ADTRP: variants seen among roughly 807,000 people sequenced by gnomAD.
The protein encoded by ADTRP is androgen-dependent TFPI-regulating protein.
Under a neutral mutation model 27.0 loss-of-function variants are expected in ADTRP, and 20 were observed. That is an observed-to-expected ratio of 0.74 (90% CI 0.52 to 1.08). The LOEUF is 1.08. Ranked by LOEUF, ADTRP falls within the 50% of genes least tolerant of loss-of-function variation. ADTRP has a pLI of 0.00. For synonymous variants in ADTRP, 101 were observed against 105.2 expected, an observed-to-expected ratio of 0.96 and a Z score of 0.25; for missense variants, 251 against 275.0, an observed-to-expected ratio of 0.91 and a Z score of 0.62.
Position 11,762,437 on chromosome 6 carries a change from G to C in ADTRP, c.390+3837C>G, listed in dbSNP as rs187240066. 2.0e-3 allele frequency among the ~76,000 whole-genome samples: 308 copies of C among 152,324 alleles called. 1 individual carries two copies. Among genetic ancestry groups the C allele is most frequent in the Non-Finnish European group, 2.9e-3 (196 of 68,020 alleles). On this transcript the variant is annotated intron_variant, in intron 3 of 5. Coordinates refer to ENST00000414691, the MANE Select transcript of ADTRP (RefSeq NM_032744.4). The stretch of plus-strand genomic sequence containing the variant: ...ATAAATATCAATCATAGTGTCACAC[G>C]CATAGTGGTACTTAACTGCTCTTTT...
intron 1 of ADTRP, among the ~76,000 whole-genome samples, chr6:11,771,946 A>G (rs1763794893): frequency 6.6e-6 from 1 of 152,178 alleles, no homozygotes; most frequent in Non-Finnish European, 1.5e-5. Flanking sequence ...CTATGAGAAA[A>G]TCAATTTCTG....
chr6:11,755,152 G>A (rs1763173707), intron 3 of ADTRP: 2 of 806,162 alleles, frequency 2.5e-6, no homozygotes, highest in African/African-American at 1.9e-5. Context: ...AAGCCCTCAA[G>A]GTCACTGAAT....
chr6:11,752,061 G>A (rs1156309079), intron 3 of ADTRP, among the ~76,000 whole-genome samples: 1 of 152,100 alleles, frequency 6.6e-6, no homozygotes. Flanking sequence ...AATTTATTTT[G>A]CACTTCTTGA....
At chr6:11,742,395 T>C (rs1195457756) in intron 3 of ADTRP, among the ~76,000 whole-genome samples, 2 of 152,184 alleles carry the variant, frequency 1.3e-5, no homozygotes, top group Non-Finnish European at 2.9e-5. Flanking sequence ...GCCCATTTAT[T>C]AACATGAGAA....
intron 1 of ADTRP, among the ~76,000 whole-genome samples, chr6:11,775,924 G>A (rs929223125): frequency 3.9e-5 from 6 of 152,132 alleles, no homozygotes; most frequent in Non-Finnish European, 8.8e-5. Flanking sequence ...CCAAGGTGAG[G>A]TAAAATAAAT....
At chr6:11,743,994 A>T (rs537091156) in intron 3 of ADTRP, among the ~76,000 whole-genome samples, 8 of 152,182 alleles carry the variant, frequency 5.3e-5, no homozygotes, top group Admixed American at 2.0e-4. Flanking sequence ...TCCAAATCTC[A>T]TGTTGAAATT....
intron 3 of ADTRP, among the ~76,000 whole-genome samples, chr6:11,760,757 A>G (rs1272646345): frequency 6.6e-6 from 1 of 152,208 alleles, no homozygotes; most frequent in East Asian, 1.9e-4. Context: ...TCACGTGCCT[A>G]AATGGAACAA....
In ADTRP at chr6:11,778,718, C is replaced by T. The variant is rs144008401; in HGVS notation, c.42G>A (p.Leu14=). 1.3e-4 allele frequency: 214 copies of T among 1,614,176 alleles called. 1 individual carries two copies. The African/African-American group carries it at 2.5e-3, about 18-fold the overall frequency. ...AATAATTGAGGAAAGTATACCAGCT[C>T]AGAACAAGGAAGTGGTATATGCATG... ...TSTCIYHFLV[L]SWYTFLNYYI... is the part of the protein sequence containing the mutation. The change falls in exon 1 of 6, where the codon CTG becomes CTA. Residue 14 remains leucine, a synonymous_variant. Coordinates refer to ENST00000414691, the MANE Select transcript of ADTRP (RefSeq NM_032744.4).
At chr6:11,774,883 G>T (rs1267182986) in intron 1 of ADTRP, among the ~76,000 whole-genome samples, 1 of 152,242 alleles carries the variant, frequency 6.6e-6, no homozygotes, top group African/African-American at 2.4e-5. Context: ...CATAGCATTT[G>T]TGGAGGACTC....
At chr6:11,724,385 A>G (rs758747862) in intron 4 of ADTRP, among the ~76,000 whole-genome samples, 2 of 152,188 alleles carry the variant, frequency 1.3e-5, no homozygotes, top group Non-Finnish European at 2.9e-5. Flanking sequence ...TATAGCCATA[A>G]ATAGAGTGTT....
At chr6:11,766,708 C>T (rs1265424881) in intron 2 of ADTRP, among the ~76,000 whole-genome samples, 2 of 152,170 alleles carry the variant, frequency 1.3e-5, no homozygotes, top group African/African-American at 4.8e-5. Context: ...ACTTCTTTTT[C>T]TAAACTTTCA....
chr6:11,772,706 A>G (rs892245041), intron 1 of ADTRP, among the ~76,000 whole-genome samples: 4 of 152,186 alleles, frequency 2.6e-5, no homozygotes, highest in African/African-American at 4.8e-5. Flanking sequence ...GAAAACAGCA[A>G]TTGGGGGCTG....
chr6:11,774,191 C>T (rs1038089583), intron 1 of ADTRP, among the ~76,000 whole-genome samples: 6 of 152,030 alleles, frequency 3.9e-5, no homozygotes, highest in African/African-American at 1.5e-4. Context: ...ATGCTGTAGT[C>T]CCAGCTACTG....
At chr6:11,718,810 C>T (rs1299406268) in intron 5 of ADTRP, among the ~76,000 whole-genome samples, 3 of 152,230 alleles carry the variant, frequency 2.0e-5, no homozygotes, top group African/African-American at 7.2e-5. Context: ...CCAGGTGGCC[C>T]TGAGGAACCT....
At chr6:11,714,705 C>T (rs890225649) in intron 5 of ADTRP, among the ~76,000 whole-genome samples, 193 bp from the exon 6 acceptor site, 2 of 152,294 alleles carry the variant, frequency 1.3e-5, no homozygotes, top group South Asian at 4.1e-4. Flanking sequence ...ACAACTCTGC[C>T]GTCCTCCCTC....
intron 3 of ADTRP, among the ~76,000 whole-genome samples, chr6:11,744,889 G>T (rs210929): frequency 6.6e-6 from 1 of 152,192 alleles, no homozygotes; most frequent in Admixed American, 6.5e-5. Context: ...ACGATGTCAA[G>T]TAAGGGCTCA....
intron 3 of ADTRP, chr6:11,755,136 A>C: frequency 1.1e-6 from 1 of 915,292 alleles, no homozygotes; most frequent in Non-Finnish European, 1.3e-6. Flanking sequence ...AGAGGGACTC[A>C]CCAGCAAGCC....
chr6:11,715,064 A>G (rs967488192), intron 5 of ADTRP, among the ~76,000 whole-genome samples: 2 of 152,230 alleles, frequency 1.3e-5, no homozygotes, highest in African/African-American at 4.8e-5. Context: ...AATGACTTCT[A>G]TTCAGCCAAC....
chr6:11,738,978 C>T (rs758380201), intron 3 of ADTRP, among the ~76,000 whole-genome samples: 56 of 151,802 alleles, frequency 3.7e-4, no homozygotes, highest in African/African-American at 1.2e-3. Flanking sequence ...GTGTTTCAAG[C>T]GTATGGGTAT....
Sources: gnomAD v4.1 joint callset for allele counts (sites outside exome capture counted in the v4.1 genomes callset) on GRCh38, gnomAD v4.1.1 for gene constraint, MANE v1.5 for transcripts, NCBI Gene and HGNC (gene_info 2026-07-23, HGNC 2026-07-21) for gene names.